The following DLC1 variants were observed in gnomAD, a reference collection of about 807,000 sequenced individuals.
DLC1 encodes rho GTPase-activating protein 7.
DLC1 carries 54 observed loss-of-function variants against 140.3 expected under a neutral mutation model. The ratio of observed to expected loss-of-function variants is 0.38; its 90% confidence interval spans 0.31 to 0.48. DLC1 has a LOEUF of 0.48. Among genes scored for constraint, DLC1 ranks in the 20% least tolerant of loss-of-function variants. DLC1 has a pLI of 0.96. For synonymous variants in DLC1, 986 were observed against 728.1 expected (o/e 1.35, Z -5.70); for missense variants, 2,536 against 1,907.0 (o/e 1.33, Z -6.14).
intron 2 of DLC1, among the ~76,000 whole-genome samples, chr8:13,463,732 C>T (rs998095381): frequency 2.0e-5 from 3 of 152,174 alleles, no homozygotes; most frequent in Non-Finnish European, 2.9e-5. Flanking sequence ...GATGAGGAAA[C>T]AGGAACCTGA....
chr8:13,235,720 A>G (rs1418263615), intron 5 of DLC1, among the ~76,000 whole-genome samples: 1 of 152,038 alleles, frequency 6.6e-6, no homozygotes, highest in Non-Finnish European at 1.5e-5. Context: ...ATATTTCCTA[A>G]GAAATGGAGC....
chr8:13,420,600 C>A (rs369582008), intron 2 of DLC1, among the ~76,000 whole-genome samples: 2 of 152,092 alleles, frequency 1.3e-5, no homozygotes, highest in Admixed American at 1.3e-4. Context: ...GTGATGTTCC[C>A]CTCCTTGTGT....
chr8:13,374,266 A>C (rs1294933938), intron 4 of DLC1, among the ~76,000 whole-genome samples: 1 of 151,884 alleles, frequency 6.6e-6, no homozygotes, highest in Non-Finnish European at 1.5e-5. Flanking sequence ...TCTTCTGACA[A>C]AGGAGGTCAA....
intron 1 of DLC1, among the ~76,000 whole-genome samples, chr8:13,570,532 G>A (rs1804616251): frequency 1.4e-5 from 2 of 139,754 alleles, no homozygotes; most frequent in African/African-American, 5.5e-5. Flanking sequence ...ACCTATGAGT[G>A]AGAATATGCG....
At chr8:13,313,153 C>T (rs914799220) in intron 4 of DLC1, among the ~76,000 whole-genome samples, 6 of 152,096 alleles carry the variant, frequency 3.9e-5, no homozygotes, top group Non-Finnish European at 8.8e-5. Flanking sequence ...CCTTAAAATG[C>T]TTTAGTGATT....
intron 3 of DLC1, among the ~76,000 whole-genome samples, chr8:13,398,636 A>G (rs1475745842): frequency 6.8e-6 from 1 of 145,986 alleles, no homozygotes; most frequent in African/African-American, 2.5e-5. Context: ...TTAGCCAGCC[A>G]TGGCGATGCA....
intron 5 of DLC1, among the ~76,000 whole-genome samples, chr8:13,267,729 AGT>A (rs58701617): frequency 0.12 from 17,247 of 140,200 alleles, 1,025 homozygotes; most frequent in Admixed American, 0.16. Context: ...ATTCCTGAGG[AGT>A]GTGTGTGTGT....
intron 4 of DLC1, among the ~76,000 whole-genome samples, chr8:13,358,627 A>G (rs931328952): frequency 2.0e-5 from 3 of 152,160 alleles, no homozygotes; most frequent in African/African-American, 7.2e-5. Flanking sequence ...TCTTTCTTAA[A>G]TAACCCCATC....
At chr8:13,546,034 G>A (rs918453290) in intron 1 of DLC1, among the ~76,000 whole-genome samples, 1 of 152,090 alleles carries the variant, frequency 6.6e-6, no homozygotes, top group Non-Finnish European at 1.5e-5. Flanking sequence ...AGAGAATGGG[G>A]AAGTGGATTA....
At chr8:13,495,638 A>AT (rs1374068953) in intron 2 of DLC1, among the ~76,000 whole-genome samples, 1 of 152,210 alleles carries the variant, frequency 6.6e-6, no homozygotes, top group Non-Finnish European at 1.5e-5. Flanking sequence ...ACTTGTACAT[A>AT]TACTACAAAT....
chr8:13,160,232 T>G, intron 5 of DLC1: 1 of 152,348 alleles, frequency 6.6e-6, no homozygotes, highest in Middle Eastern at 3.4e-3. Context: ...CAGTTACAGA[T>G]TTTTTTGTTC....
At chr8:13,195,371 G>A (rs867235099) in intron 5 of DLC1, among the ~76,000 whole-genome samples, 1 of 152,214 alleles carries the variant, frequency 6.6e-6, no homozygotes, top group Non-Finnish European at 1.5e-5. Context: ...GTTCTTACAG[G>A]TAGCAACAGC....
intron 2 of DLC1, among the ~76,000 whole-genome samples, chr8:13,419,283 G>A (rs950494205): frequency 1.1e-4 from 17 of 151,864 alleles, no homozygotes; most frequent in African/African-American, 4.1e-4. Context: ...GGGCATCCCT[G>A]TCTTGTGCCA....
intron 1 of DLC1, among the ~76,000 whole-genome samples, chr8:13,582,856 T>A (rs1805157027): frequency 7.2e-6 from 1 of 138,172 alleles, no homozygotes; most frequent in Non-Finnish European, 1.6e-5. Context: ...ATATAAAAGT[T>A]ATGTTTACAA....
chr8:13,267,767 T>TGC (rs1830751419), intron 5 of DLC1, among the ~76,000 whole-genome samples: 3 of 142,870 alleles, frequency 2.1e-5, no homozygotes, highest in Admixed American at 6.9e-5. Context: ...TGTGTGTGTG[T>TGC]GTGTGCAATT....
At chr8:13,564,607 A>G (rs144539906) in intron 1 of DLC1, among the ~76,000 whole-genome samples, 1 of 152,294 alleles carries the variant, frequency 6.6e-6, no homozygotes, top group Non-Finnish European at 1.5e-5. Flanking sequence ...TGGGGGGAGA[A>G]TTGCTTGCCA....
chr8:13,454,202 T>C (rs1397620380), intron 2 of DLC1, among the ~76,000 whole-genome samples: 1 of 152,032 alleles, frequency 6.6e-6, no homozygotes, highest in Admixed American at 6.6e-5. Context: ...TCATGTCTCC[T>C]GGGAAACTTA....
intron 2 of DLC1, 87 bp downstream of exon 2, chr8:13,498,962 C>G (rs1801640921): frequency 6.9e-7 from 1 of 1,455,386 alleles, no homozygotes; most frequent in Middle Eastern, 1.8e-4. Context: ...ATCTTCATAT[C>G]TTTTTAATCC....
At chr8:13,407,277 A>G (rs945250627) in intron 2 of DLC1, among the ~76,000 whole-genome samples, 1 of 152,164 alleles carries the variant, frequency 6.6e-6, no homozygotes, top group Non-Finnish European at 1.5e-5. Context: ...TTTTTAGAGA[A>G]TCATTCTTTC....
Sources: allele counts gnomAD v4.1 joint callset (sites outside exome capture counted in the v4.1 genomes callset), GRCh38; gene constraint gnomAD v4.1.1; transcripts MANE v1.5; gene names NCBI Gene and HGNC (gene_info 2026-07-23, HGNC 2026-07-21).